The following L3MBTL3 variants were observed in gnomAD, a reference collection of about 807,000 sequenced individuals.
L3MBTL3 encodes lethal(3)malignant brain tumor-like protein 3.
A neutral mutation model predicts 102.3 loss-of-function variants in L3MBTL3; 27 were observed. The observed-to-expected ratio is 0.26, with a 90% CI of 0.19 to 0.36. The LOEUF is 0.36. Ranked by LOEUF, L3MBTL3 falls within the 10% of genes least tolerant of loss-of-function variation. The pLI is 1.00. For synonymous variants in L3MBTL3, 340 were observed against 320.9 expected (o/e 1.06, Z -0.64); for missense variants, 798 against 955.3 (o/e 0.84, Z 2.17).
At chr6:130,066,305 A>ATAT in intron 10 of L3MBTL3, 48 bp from the exon 11 acceptor site, 31 of 478,862 alleles carry the variant, frequency 6.5e-5, no homozygotes, top group East Asian at 2.4e-4. Context: ...TATATATATG[A>ATAT]ATATTCTGAG....
intron 7 of L3MBTL3, among the ~76,000 whole-genome samples, chr6:130,054,502 A>C (rs772768512): frequency 6.6e-6 from 1 of 152,228 alleles, no homozygotes; most frequent in Non-Finnish European, 1.5e-5. Context: ...GGATTTGGGA[A>C]TCAATGTTAG....
At chr6:130,072,909 G>A (rs913801262) in intron 13 of L3MBTL3, among the ~76,000 whole-genome samples, 12 of 152,178 alleles carry the variant, frequency 7.9e-5, no homozygotes, top group South Asian at 4.1e-4. Context: ...GCTTGACCTC[G>A]TTTAATTTAC....
At chr6:130,070,476 A>ATGAC in intron 12 of L3MBTL3, among the ~76,000 whole-genome samples, 1 of 152,216 alleles carries the variant, frequency 6.6e-6, no homozygotes. Context: ...ATATATGAAG[A>ATGAC]TGACCTACTT....
intron 20 of L3MBTL3, among the ~76,000 whole-genome samples, chr6:130,127,732 T>C (rs529825064): frequency 6.6e-6 from 1 of 152,368 alleles, no homozygotes; most frequent in African/African-American, 2.4e-5. Context: ...TGATGTTGTT[T>C]TAATGATATA....
chr6:130,116,123 A>G (rs1470755258), intron 19 of L3MBTL3, among the ~76,000 whole-genome samples: 4 of 151,938 alleles, frequency 2.6e-5, no homozygotes, highest in African/African-American at 4.8e-5. Flanking sequence ...ATAGTTGAAG[A>G]AAGGTTAGTT....
intron 13 of L3MBTL3, among the ~76,000 whole-genome samples, chr6:130,078,035 C>G (rs993759749): frequency 1.3e-5 from 2 of 151,994 alleles, no homozygotes; most frequent in African/African-American, 4.8e-5. Context: ...GTAGAGATGA[C>G]AGAAAGGAGA....
At position 130,129,625 on chromosome 6, in the gene L3MBTL3, C is replaced by T. The variant is rs777175344; in HGVS notation, c.1967-3827C>T. Among the ~76,000 whole-genome samples, 102 of 152,176 alleles carry T rather than the reference C, an allele frequency of 6.7e-4. 1 individual carries two copies. The highest frequency in any genetic ancestry group is 2.2e-4 in the Non-Finnish European group (15 of 68,028). The stretch of plus-strand genomic sequence containing the variant: ...AAGAGTTTGATCACATACCTTTGGT[C>T]AATTTTCATCACAGAAAACTTCAGA... On this transcript the variant is annotated intron_variant, in intron 20 of 22. Transcript: ENST00000361794.
chr6:130,021,706 A>G lies in L3MBTL3; in HGVS notation c.-94-521A>G, dbSNP rs373904828. On this transcript the variant is annotated intron_variant, in intron 1 of 22. Coordinates refer to ENST00000361794, the MANE Select transcript of L3MBTL3 (RefSeq NM_032438.4). ...TTTTACTGTCTGATAAGTGTAAGGC[A>G]ATTTTATATAGTTTCTTAGCTGTAT... Among the ~76,000 whole-genome samples the G allele has an allele frequency of 3.2e-4, 49 of 152,352 alleles. 1 individual carries two copies. In the South Asian group the frequency reaches 9.9e-3, roughly 31 times the overall value.
rs771785448 is a variant in L3MBTL3 at position 130,060,044 on chromosome 6, C to A, written c.768C>A (p.Ser256=). 9 of 1,608,016 alleles carry A rather than the reference C, an allele frequency of 5.6e-6. No individual in the cohort carries two copies. The African/African-American group carries it at 1.1e-4, about 19-fold the overall frequency. The change falls in exon 10 of 23, where the codon TCC becomes TCA. Residue 256 remains serine, a synonymous_variant. Coordinates refer to ENST00000361794, the MANE Select transcript of L3MBTL3 (RefSeq NM_032438.4). ...VPAKLFKEHQ[S]FPYNKNGFKV... ...CTCATTTTGCATTTTAGCATCAATC[C>A]TTTCCATATAACAAAAATGGATTCA... is the stretch of plus-strand genomic sequence containing the variant.
chr6:130,035,980 TTG>T (rs71709041), intron 2 of L3MBTL3, among the ~76,000 whole-genome samples: 31,270 of 149,020 alleles, frequency 0.21, 3,387 homozygotes, highest in African/African-American at 0.27. Flanking sequence ...CCTACCTGTT[TTG>T]TGTGTGTGTG....
chr6:130,095,858 C>T (rs1784333578), intron 18 of L3MBTL3, among the ~76,000 whole-genome samples: 1 of 152,100 alleles, frequency 6.6e-6, no homozygotes, highest in African/African-American at 2.4e-5. Flanking sequence ...GCGATAATGT[C>T]ATTAATCCAT....
At chr6:130,130,065 C>T (rs376021401) in intron 20 of L3MBTL3, among the ~76,000 whole-genome samples, 2 of 152,102 alleles carry the variant, frequency 1.3e-5, no homozygotes, top group East Asian at 3.8e-4. Flanking sequence ...AGTCTTAATG[C>T]GAAGGAGGCA....
intron 13 of L3MBTL3, among the ~76,000 whole-genome samples, chr6:130,077,178 A>G (rs1468035456): frequency 6.6e-6 from 1 of 152,076 alleles, no homozygotes; most frequent in African/African-American, 2.4e-5. Context: ...ATCCTTCCCT[A>G]AAATAAAGGC....
At chr6:130,087,792 A>G (rs538506015) in intron 16 of L3MBTL3, among the ~76,000 whole-genome samples, 7 of 152,272 alleles carry the variant, frequency 4.6e-5, no homozygotes, top group African/African-American at 9.6e-5. Flanking sequence ...ACTATTTAAT[A>G]CCAACAATTG....
At chr6:130,117,813 C>T (rs1397240185) in intron 19 of L3MBTL3, among the ~76,000 whole-genome samples, 1 of 151,078 alleles carries the variant, frequency 6.6e-6, no homozygotes, top group East Asian at 1.9e-4. Context: ...GACCCACCTG[C>T]CTCAGCTTCC....
In L3MBTL3 at chr6:130,074,602, G is replaced by T. The variant is rs1782839875; in HGVS notation, c.1244+3475G>T. On this transcript the variant is annotated intron_variant, in intron 13 of 22. Transcript: ENST00000361794. ...ATCTGCCTGAAGGTTGGGCTCTGGG[G>T]CAGAACACAAAGAGAACAGTCACCT... Among the ~76,000 whole-genome samples the T allele has an allele frequency of 2.6e-5, 4 of 152,232 alleles. No homozygotes were observed. The South Asian group carries it at 8.3e-4, about 31-fold the overall frequency.
At chr6:130,102,057 A>G (rs2115330549) in intron 18 of L3MBTL3, among the ~76,000 whole-genome samples, 1 of 152,002 alleles carries the variant, frequency 6.6e-6, no homozygotes, top group African/African-American at 2.4e-5. Flanking sequence ...AATTTCTGAT[A>G]TTACCCCCAA....
At chr6:130,040,039 T>C (rs1490639850) in intron 2 of L3MBTL3, among the ~76,000 whole-genome samples, 1 of 152,148 alleles carries the variant, frequency 6.6e-6, no homozygotes, top group African/African-American at 2.4e-5. Flanking sequence ...CATTAAAATC[T>C]GTTGGGGCTA....
At chr6:130,107,347 A>G (rs1785051707) in intron 19 of L3MBTL3, among the ~76,000 whole-genome samples, 1 of 152,210 alleles carries the variant, frequency 6.6e-6, no homozygotes, top group Non-Finnish European at 1.5e-5. Flanking sequence ...TTCTTCCCAC[A>G]TAACCAGGAT....
Sources: gnomAD v4.1 joint callset for allele counts (sites outside exome capture counted in the v4.1 genomes callset) on GRCh38, gnomAD v4.1.1 for gene constraint, MANE v1.5 for transcripts, NCBI Gene and HGNC (gene_info 2026-07-23, HGNC 2026-07-21) for gene names.